Variants in TMEM117 observed in about 807,000 individuals in gnomAD.
The protein encoded by TMEM117 is transmembrane protein 117.
TMEM117 carries 27 observed loss-of-function variants against 52.4 expected under a neutral mutation model. The observed-to-expected ratio is 0.51, with a 90% CI of 0.38 to 0.71. The LOEUF is 0.71. Among genes scored for constraint, TMEM117 ranks in the 30% least tolerant of loss-of-function variants. The pLI is 0.00. For missense variants in TMEM117, 556 were observed against 630.5 expected, an observed-to-expected ratio of 0.88 and a Z score of 1.26; for synonymous variants, 215 against 206.3, an observed-to-expected ratio of 1.04 and a Z score of -0.36.
chr12:44,390,638 A>C (rs1423055822), downstream of TMEM117, among the ~76,000 whole-genome samples: 4 of 152,092 alleles, frequency 2.6e-5, no homozygotes, highest in Non-Finnish European at 2.9e-5. Flanking sequence ...AAACTATTAA[A>C]AAAATGAAAA....
In TMEM117 at chr12:43,940,149, A is replaced by G. The variant is rs566831630; in HGVS notation, c.278-4061A>G. On this transcript the variant is annotated intron_variant, in intron 2 of 7. Transcript: ENST00000266534. ...ACCAACATTCATGTAGTCATCCCCA[A>G]ATGAGGCTCTGCCACCTTGGAGACC... Among the ~76,000 whole-genome samples the G allele has an allele frequency of 1.6e-4, 24 of 152,284 alleles. No individual in the cohort carries two copies. In the South Asian group the frequency reaches 4.8e-3, roughly 30 times the overall value.
chr12:44,373,698 T>C lies in TMEM117; in HGVS notation c.769-2897T>C, dbSNP rs563349804. Among the ~76,000 whole-genome samples, 9 of 150,392 alleles carry C rather than the reference T, an allele frequency of 6.0e-5. No homozygotes were observed. In the East Asian group the frequency reaches 1.8e-3, roughly 30 times the overall value. ...GACTGGAACCTAGATAGATTCAGAA[T>C]ACCGTCCCAAATCTCTCTGCTTTCT... On this transcript the variant is annotated intron_variant, in intron 6 of 7. Transcript: ENST00000266534.
chr12:44,161,275 A>G (rs906998056), intron 4 of TMEM117, among the ~76,000 whole-genome samples: 20 of 152,196 alleles, frequency 1.3e-4, no homozygotes, highest in African/African-American at 2.4e-5. Flanking sequence ...AAGATAACCT[A>G]TCATATTAAT....
At chr12:44,002,723 T>A (rs887996714) in intron 3 of TMEM117, among the ~76,000 whole-genome samples, 4 of 152,184 alleles carry the variant, frequency 2.6e-5, no homozygotes, top group African/African-American at 9.7e-5. Context: ...CTTGAGAGTT[T>A]CCCTGGCTCC....
In TMEM117 at chr12:44,279,162, G is replaced by C. The variant is rs543314490; in HGVS notation, c.609-20418G>C. The stretch of plus-strand genomic sequence containing the variant: ...GGAAATGATAAAGTCAAAGTCAAAA[G>C]CTATGACTGAGAAATATGTTTCTAC... On this transcript the variant is annotated intron_variant, in intron 5 of 7. Transcript: ENST00000266534. Among the ~76,000 whole-genome samples, 35 of 152,238 alleles carry C rather than the reference G, an allele frequency of 2.3e-4. No homozygotes were observed. The South Asian group carries it at 6.8e-3, about 30-fold the overall frequency.
chr12:44,341,588 G>A (rs1951417813), intron 6 of TMEM117, among the ~76,000 whole-genome samples: 1 of 152,090 alleles, frequency 6.6e-6, no homozygotes, highest in Non-Finnish European at 1.5e-5. Context: ...TGTAGGGTTG[G>A]TGTTAGTCTT....
intron 6 of TMEM117, among the ~76,000 whole-genome samples, chr12:44,331,788 G>T (rs1213215133): frequency 1.3e-5 from 2 of 151,888 alleles, no homozygotes; most frequent in Non-Finnish European, 2.9e-5. Context: ...CTAGGGAGTG[G>T]ATACCTGGAG....
At chr12:44,117,313 CATG>C (rs1948161125) in intron 3 of TMEM117, among the ~76,000 whole-genome samples, 1 of 152,218 alleles carries the variant, frequency 6.6e-6, no homozygotes, top group East Asian at 1.9e-4. Context: ...GCCGTTTGCA[CATG>C]GAAGCTTTAT....
rs374446873 is a variant in TMEM117 at position 44,256,080 on chromosome 12, A to G, written c.609-43500A>G. Among the ~76,000 whole-genome samples, 17 of 152,094 alleles carry G rather than the reference A, an allele frequency of 1.1e-4. No homozygotes were observed. In the East Asian group the frequency reaches 1.5e-3, roughly 14 times the overall value. On this transcript the variant is annotated intron_variant, in intron 5 of 7. Transcript: ENST00000266534. ...ACTAAAAACACTAGTTAGGAACATC[A>G]TTTGTGGTCAGCATTTTTGTAAAAC...
rs78606990 is a variant in TMEM117, at chr12:44,264,269, A to C, written c.609-35311A>C. ...GAAATTCAAAAGCCATTTCTCAGTG[A>C]GCCCTCTCACTTCCTTGATTTTATA... On this transcript the variant is annotated intron_variant, in intron 5 of 7. Transcript: ENST00000266534. Among the ~76,000 whole-genome samples the C allele has an allele frequency of 2.4e-3, 367 of 152,270 alleles. 12 individuals are homozygous for C. The East Asian group carries it at 0.035, about 15-fold the overall frequency.
chr12:44,208,027 G>A (rs1026618148), intron 4 of TMEM117, among the ~76,000 whole-genome samples: 2 of 152,080 alleles, frequency 1.3e-5, no homozygotes, highest in Non-Finnish European at 2.9e-5. Flanking sequence ...AATCCATGAA[G>A]CTGTATAGCA....
intron 2 of TMEM117, among the ~76,000 whole-genome samples, chr12:43,882,385 G>A (rs1355873924): frequency 6.6e-6 from 1 of 150,518 alleles, no homozygotes; most frequent in Non-Finnish European, 1.5e-5. Flanking sequence ...GCTTGAACCC[G>A]GGAGGTGGAA....
chr12:44,242,287 C>T (rs1454165266), intron 5 of TMEM117, among the ~76,000 whole-genome samples: 2 of 151,842 alleles, frequency 1.3e-5, no homozygotes, highest in African/African-American at 4.8e-5. Context: ...CCACATCCTC[C>T]TCCTACCCTC....
Position 44,269,862 on chromosome 12 carries a change from G to C in TMEM117, c.609-29718G>C, listed in dbSNP as rs78998927. 4.3e-3 allele frequency among the ~76,000 whole-genome samples: 655 copies of C among 152,184 alleles called. 3 individuals are homozygous for C. Among genetic ancestry groups the C allele is most frequent in the Non-Finnish European group, 6.9e-3 (469 of 67,946 alleles). ...TATTGTCAATAAGAAATCTGGTTTT[G>C]TGGATTACAGATATCATCTCTGGAT... On this transcript the variant is annotated intron_variant, in intron 5 of 7. Transcript: ENST00000266534.
intron 5 of TMEM117, among the ~76,000 whole-genome samples, chr12:44,298,231 A>T (rs1950793057): frequency 1.3e-5 from 2 of 150,764 alleles, no homozygotes; most frequent in South Asian, 4.1e-4. Flanking sequence ...TTCTATGAAG[A>T]TTCATATTAT....
chr12:43,820,748 C>G, the TMEM117 span, among the ~76,000 whole-genome samples: 1 of 152,144 alleles, frequency 6.6e-6, no homozygotes, highest in Non-Finnish European at 1.5e-5. Context: ...AAATTAGTCT[C>G]AAACACACAT....
intron 6 of TMEM117, among the ~76,000 whole-genome samples, chr12:44,373,771 C>CTTTTTTTTT (rs142046499): frequency 3.3e-5 from 2 of 60,038 alleles, no homozygotes; most frequent in African/African-American, 7.2e-5. Flanking sequence ...TGTCCATTTC[C>CTTTTTTTTT]TTTTTTTTTT....
intron 4 of TMEM117, among the ~76,000 whole-genome samples, chr12:44,185,143 G>T (rs1382522618): frequency 6.6e-6 from 1 of 152,080 alleles, no homozygotes; most frequent in Non-Finnish European, 1.5e-5. Flanking sequence ...TGATTTATTT[G>T]TCTGTATTCC....
chr12:44,377,906 C>G (rs1951964541), intron 7 of TMEM117, among the ~76,000 whole-genome samples: 1 of 152,170 alleles, frequency 6.6e-6, no homozygotes, highest in Non-Finnish European at 1.5e-5. Flanking sequence ...AGAATGAGCT[C>G]ATGAATAGGG....
Sources: allele counts gnomAD v4.1 joint callset (sites outside exome capture counted in the v4.1 genomes callset), GRCh38; gene constraint gnomAD v4.1.1; transcripts MANE v1.5; gene names NCBI Gene and HGNC (gene_info 2026-07-23, HGNC 2026-07-21).